Variants in UBAP1 observed in about 807,000 individuals in gnomAD.
UBAP1 encodes the protein ubiquitin associated protein 1.
A neutral mutation model predicts 39.0 loss-of-function variants in UBAP1; 5 were observed. The observed-to-expected ratio is 0.13, with a 90% CI of 0.07 to 0.27. The LOEUF is 0.27. Among genes scored for constraint, UBAP1 ranks in the 10% least tolerant of loss-of-function variants. The probability of loss-of-function intolerance (pLI) is 1.00; values close to 1 mark genes in which losing one functional copy is unlikely to be tolerated. For missense variants in UBAP1, 490 were observed against 608.1 expected (o/e 0.81, Z 2.04); for synonymous variants, 211 against 225.1 (o/e 0.94, Z 0.56).
chr9:34,192,002 T>G (rs148464624), intron 1 of UBAP1: 1 of 151,150 alleles, frequency 6.6e-6, no homozygotes, highest in African/African-American at 2.4e-5. Context: ...TTAAAAAAAA[T>G]TTTTTTAATT....
At chr9:34,218,311 T>A (rs2131573207) in intron 1 of UBAP1, among the ~76,000 whole-genome samples, 1 of 139,738 alleles carries the variant, frequency 7.2e-6, no homozygotes, top group Non-Finnish European at 1.5e-5. Context: ...CACATCCATT[T>A]AAATTTTGGT....
rs1027814300 is a variant in UBAP1, at chr9:34,183,503, A to T, written c.-8+4263A>T. 3.3e-5 allele frequency among the ~76,000 whole-genome samples: 5 copies of T among 150,408 alleles called. 1 individual carries two copies. The highest frequency in any genetic ancestry group is 7.3e-5 in the African/African-American group (3 of 40,928). ...CAGAGGCGGAGCTTGCAGTGAGCTG[A>T]GATAGTGCCACTACACTCCAGCCTG... On this transcript the variant is annotated intron_variant, in intron 1 of 6. Transcript: ENST00000297661.
intron 2 of UBAP1, among the ~76,000 whole-genome samples, chr9:34,226,126 TGTGTGTG>T: frequency 7.1e-6 from 1 of 141,026 alleles, no homozygotes; most frequent in African/African-American, 2.6e-5. Flanking sequence ...TGTGTGTGTG[TGTGTGTG>T]TGTGTGTGTG....
intron 1 of UBAP1, among the ~76,000 whole-genome samples, chr9:34,212,208 A>G (rs1832055959): frequency 6.6e-6 from 1 of 152,056 alleles, no homozygotes; most frequent in Non-Finnish European, 1.5e-5. Context: ...TGTTTTGTGC[A>G]CATTTTTTAC....
At chr9:34,230,986 T>C (rs182779395) in intron 2 of UBAP1, among the ~76,000 whole-genome samples, 23 of 152,042 alleles carry the variant, frequency 1.5e-4, no homozygotes, top group Non-Finnish European at 2.6e-4. Context: ...GAGACCAGCC[T>C]GGACGACATA....
chr9:34,241,260 G>A lies in UBAP1; in HGVS notation c.235G>A (p.Ala79Thr). ...GAAAATCGAAGAAGCCGAGCGGGAA[G>A]CAGAGTGCAAAATTGCGGAAGCAGA... is the stretch of plus-strand genomic sequence containing the variant. ...IKKIEEAERE[A>T]ECKIAEAEAK... The change falls in exon 4 of 7, where the codon GCA becomes ACA. Residue 79 changes from alanine (A) to threonine (T), a missense_variant. Ala to Thr is a moderately conservative substitution (Grantham distance 58). Around this residue, in one of 3 missense-constraint regions of UBAP1, gnomAD observed 144 missense variants for 184.4 expected, o/e 0.78. Coordinates refer to ENST00000297661, the MANE Select transcript of UBAP1 (RefSeq NM_016525.5). 6.6e-7 allele frequency: 1 copy of A among 1,506,752 alleles called. No individual in the cohort carries two copies. Among genetic ancestry groups the A allele is most frequent in the East Asian group, 2.3e-5 (1 of 43,958 alleles). The allele number at this position is 1,506,752 out of a possible 1,614,324, so 93.3% of individuals were successfully genotyped here. A position where few individuals can be genotyped will look rare whatever the true frequency, so the allele number is the denominator to read the frequency against.
In UBAP1 at chr9:34,241,989, T is replaced by C. The variant is rs561387310; in HGVS notation, c.964T>C (p.Ser322Pro). Residue 322 changes from serine (S) to proline (P), a missense_variant, in exon 4 of 7, where the codon TCA (serine) becomes CCA (proline). By Grantham distance (74) the Ser-to-Pro change is moderately conservative. This residue lies in a region of UBAP1 where 339 missense variants were observed against 390.0 expected (regional missense o/e 0.87). Coordinates refer to ENST00000297661, the MANE Select transcript of UBAP1 (RefSeq NM_016525.5). ...ELNGHHTLGL[S>P]ALNLDSGTEM... ...CAATGGGCATCACACTCTTGGGCTT[T>C]CAGCTTTGAACTTGGACAGTGGCAC... The C allele has an allele frequency of 1.2e-6, 2 of 1,614,174 alleles. No homozygotes were observed. The highest frequency in any genetic ancestry group is 1.3e-5 in the African/African-American group (1 of 75,048).
rs1342809150 is a variant in UBAP1 at position 34,199,578 on chromosome 9, A to G, written c.-8+20338A>G. Among the ~76,000 whole-genome samples, 4 of 152,060 alleles carry G rather than the reference A, an allele frequency of 2.6e-5. No homozygotes were observed. In the East Asian group the frequency reaches 5.8e-4, roughly 22 times the overall value. On this transcript the variant is annotated intron_variant, in intron 1 of 6. Transcript: ENST00000297661. ...AAACCTACCTTGGTACGTTAGTATCAACTAAACTCTGGACTGTATTTAGAT... is the reference window on the plus strand; with the variant it reads ...AAACCTACCTTGGTACGTTAGTATCGACTAAACTCTGGACTGTATTTAGAT...
chr9:34,232,952 G>C (rs1026709986), intron 2 of UBAP1, among the ~76,000 whole-genome samples: 2 of 152,178 alleles, frequency 1.3e-5, no homozygotes, highest in Non-Finnish European at 2.9e-5. Flanking sequence ...TATAGCTATC[G>C]AGAGTCTCAT....
Position 34,250,777 on chromosome 9 carries a change from T to C in UBAP1, c.1368+18T>C. The C allele has an allele frequency of 1.2e-6, 2 of 1,603,140 alleles. No individual in the cohort carries two copies. The highest frequency in any genetic ancestry group is 1.7e-6 in the Non-Finnish European group (2 of 1,170,426). On this transcript the variant is annotated intron_variant, in intron 6 of 6. Coordinates refer to ENST00000297661, the MANE Select transcript of UBAP1 (RefSeq NM_016525.5). ...AAGAAAAGGTGGGAATCTTCATGTT[T>C]CTTGGGAACCCTCTGGAAAAGGAGG...
chr9:34,209,371 A>G (rs1056980036), intron 1 of UBAP1, among the ~76,000 whole-genome samples: 1 of 152,272 alleles, frequency 6.6e-6, no homozygotes, highest in Non-Finnish European at 1.5e-5. Flanking sequence ...TTTTGATCTA[A>G]CAATATAAAT....
intron 1 of UBAP1, among the ~76,000 whole-genome samples, chr9:34,179,988 T>A (rs1239561895): frequency 6.6e-6 from 1 of 152,242 alleles, no homozygotes; most frequent in East Asian, 1.9e-4. Flanking sequence ...TTACTTTTAG[T>A]CACCATGCAG....
At chr9:34,198,389 C>T (rs967692996) in intron 1 of UBAP1, among the ~76,000 whole-genome samples, 6 of 152,134 alleles carry the variant, frequency 3.9e-5, no homozygotes, top group Admixed American at 2.0e-4. Context: ...GGTTCTGTGG[C>T]CGGGCTGCCT....
In UBAP1 at chr9:34,179,245, G is replaced by A; in HGVS notation, c.-8+5G>A. 1 of 1,230,626 alleles carries A rather than the reference G, an allele frequency of 8.1e-7. No homozygotes were observed. Among genetic ancestry groups the A allele is most frequent in the Non-Finnish European group, 1.0e-6 (1 of 986,924 alleles). 76.2% of individuals were successfully genotyped at this position (1,230,626 alleles called of 1,614,324 possible). A position where few individuals can be genotyped will look rare whatever the true frequency, so the allele number is the denominator to read the frequency against. ...GGCGGCAGCAGCGGCATTCAGGTGA[G>A]GGGGGCCTCCCTCTGGGGGAGGGGG... On this transcript the variant is annotated splice_donor_5th_base_variant and intron_variant, in intron 1 of 6. Transcript: ENST00000297661.
chr9:34,201,439 G>T (rs981273617), intron 1 of UBAP1: 1 of 151,758 alleles, frequency 6.6e-6, no homozygotes, highest in Non-Finnish European at 1.5e-5. Context: ...AGCTACTTGG[G>T]ATACTGAGGC....
At position 34,199,802 on chromosome 9, in the gene UBAP1, A is replaced by ATT. The variant is rs34239421; in HGVS notation, c.-8+20580_-8+20581dup. 1.1e-3 allele frequency among the ~76,000 whole-genome samples: 133 copies of ATT among 119,672 alleles called. 1 individual carries two copies. Among genetic ancestry groups the ATT allele is most frequent in the South Asian group, 5.9e-3 (21 of 3,584 alleles). 78.5% of individuals were successfully genotyped at this position (119,672 alleles called of 152,430 possible). ...AGGCACGTGCCACCATGCCTGGCTG[A>ATT]TTTTTTTTTTTTTTTTTTTGTAGAG... On this transcript the variant is annotated intron_variant, in intron 1 of 6. Transcript: ENST00000297661.
rs755753825 is a variant in UBAP1 at position 34,241,446 on chromosome 9, A to C, written c.421A>C (p.Lys141Gln). The C allele has an allele frequency of 1.2e-6, 2 of 1,607,096 alleles. No individual in the cohort carries two copies. The highest frequency in any genetic ancestry group is 1.7e-6 in the Non-Finnish European group (2 of 1,175,964). The change falls in exon 4 of 7, where the codon AAA becomes CAA. Residue 141 changes from lysine to glutamine, a missense_variant. Coordinates refer to ENST00000297661, the MANE Select transcript of UBAP1 (RefSeq NM_016525.5). ...AACTCGGGTCAGCAGTAGTGCCACG[A>C]AACAGAAAGTTCTCAGCCCACCTCA... ...TPTRVSSSATKQKVLSPPHIK... is the reference protein window; with the variant it reads ...TPTRVSSSATQQKVLSPPHIK...
At position 34,252,427 on chromosome 9, in the gene UBAP1, C is replaced by A. The variant is rs1284330538; in HGVS notation, c.*895C>A. ...TATTATGTTGTACATCATTAAAGAT[C>A]TAAATACAAAGGATATACAGTCTTG... On this transcript the variant is annotated 3_prime_UTR_variant, in exon 7 of 7. Transcript: ENST00000297661. The A allele has an allele frequency of 6.6e-6, 1 of 152,200 alleles. No individual in the cohort carries two copies. The highest frequency in any genetic ancestry group is 1.5e-5 in the Non-Finnish European group (1 of 68,014). The allele number at this position is 152,200 out of a possible 1,614,324, so 9.4% of individuals were successfully genotyped here.
At chr9:34,188,232 C>T (rs1445632590) in intron 1 of UBAP1, among the ~76,000 whole-genome samples, 1 of 151,546 alleles carries the variant, frequency 6.6e-6, no homozygotes, top group African/African-American at 2.4e-5. Context: ...AAATAGTATA[C>T]CTTTGACATT....
Sources: allele counts gnomAD v4.1 joint callset (sites outside exome capture counted in the v4.1 genomes callset), GRCh38; gene constraint gnomAD v4.1.1; regional missense constraint gnomAD v4.1.1; transcripts MANE v1.5; gene names NCBI Gene and HGNC (gene_info 2026-07-23, HGNC 2026-07-21).